CDH13: variants seen among roughly 807,000 people sequenced by gnomAD.
The protein encoded by CDH13 is cadherin 13.
A neutral mutation model predicts 63.8 loss-of-function variants in CDH13; 24 were observed. The observed-to-expected ratio is 0.38, with a 90% CI of 0.27 to 0.53. The LOEUF is 0.53. Among genes scored for constraint, CDH13 ranks in the 20% least tolerant of loss-of-function variants. The pLI is 0.85. For missense variants in CDH13, 1,049 were observed against 903.1 expected, an observed-to-expected ratio of 1.16 and a Z score of -2.07; for synonymous variants, 503 against 355.3, an observed-to-expected ratio of 1.42 and a Z score of -4.67.
At chr16:83,674,880 C>T (rs957839342) in intron 9 of CDH13, among the ~76,000 whole-genome samples, 1 of 152,198 alleles carries the variant, frequency 6.6e-6, no homozygotes, top group African/African-American at 2.4e-5. Context: ...TCTATTCTGT[C>T]CTCAAAGAAG....
At chr16:83,750,124 C>G (rs1597173584) in intron 11 of CDH13, among the ~76,000 whole-genome samples, 1 of 152,036 alleles carries the variant, frequency 6.6e-6, no homozygotes, top group Non-Finnish European at 1.5e-5. Flanking sequence ...GGTGAAACCC[C>G]ATCTCTACTA....
chr16:82,807,088 C>CT (rs11327303), intron 1 of CDH13, among the ~76,000 whole-genome samples: 3,102 of 139,178 alleles, frequency 0.022, 90 homozygotes, highest in African/African-American at 0.074. Flanking sequence ...GGGATCATGC[C>CT]TTTTTTTTTT....
At chr16:82,962,931 T>G (rs928917900) in intron 2 of CDH13, among the ~76,000 whole-genome samples, 2 of 152,224 alleles carry the variant, frequency 1.3e-5, no homozygotes, top group African/African-American at 4.8e-5. Flanking sequence ...AAATGATATA[T>G]AAGCAAAATA....
intron 6 of CDH13, among the ~76,000 whole-genome samples, chr16:83,373,724 C>T (rs2091413434): frequency 6.6e-6 from 1 of 152,204 alleles, no homozygotes; most frequent in Admixed American, 6.5e-5. Flanking sequence ...ATTTGAATCT[C>T]CGCTTTACCT....
chr16:83,766,698 C>T (rs1022725798), intron 11 of CDH13, among the ~76,000 whole-genome samples: 1 of 152,186 alleles, frequency 6.6e-6, no homozygotes, highest in Non-Finnish European at 1.5e-5. Flanking sequence ...ACATTCTGTG[C>T]CTATGAAACC....
At chr16:82,641,084 C>T (rs1909338230) in intron 1 of CDH13, among the ~76,000 whole-genome samples, 1 of 152,142 alleles carries the variant, frequency 6.6e-6, no homozygotes, top group Admixed American at 6.5e-5. Context: ...TTGAGGTGGT[C>T]ACAGTCATGG....
intron 5 of CDH13, among the ~76,000 whole-genome samples, chr16:83,333,128 T>C (rs960204302): frequency 3.3e-5 from 5 of 152,070 alleles, no homozygotes; most frequent in Non-Finnish European, 5.9e-5. Flanking sequence ...GGTGGAGGAA[T>C]GTTACAAAGG....
intron 4 of CDH13, among the ~76,000 whole-genome samples, chr16:83,216,717 T>C (rs1210432778): frequency 6.8e-6 from 1 of 147,818 alleles, no homozygotes; most frequent in East Asian, 2.0e-4. Context: ...TATTGATGCA[T>C]ATATATTTAA....
At chr16:83,059,793 GTTTTT>G (rs66521965) in intron 3 of CDH13, among the ~76,000 whole-genome samples, 2 of 113,106 alleles carry the variant, frequency 1.8e-5, no homozygotes, top group Non-Finnish European at 3.6e-5. Context: ...TTTTTTGTTT[GTTTTT>G]TTTTTTTTTT....
At chr16:83,503,096 G>T (rs1459486571) in intron 7 of CDH13, among the ~76,000 whole-genome samples, 5 of 152,218 alleles carry the variant, frequency 3.3e-5, no homozygotes, top group African/African-American at 1.2e-4. Flanking sequence ...TCTGTACCTT[G>T]TAGGTGCTCA....
intron 1 of CDH13, among the ~76,000 whole-genome samples, chr16:82,642,351 G>T (rs956033839): frequency 6.6e-6 from 1 of 152,186 alleles, no homozygotes; most frequent in Non-Finnish European, 1.5e-5. Context: ...TACAGTAGGC[G>T]TGGTTTAGTC....
At chr16:82,855,016 C>T (rs1312509636) in intron 1 of CDH13, among the ~76,000 whole-genome samples, 2 of 152,028 alleles carry the variant, frequency 1.3e-5, no homozygotes, top group Non-Finnish European at 2.9e-5. Flanking sequence ...TAATTCTTAC[C>T]TCACTAAGTC....
intron 7 of CDH13, among the ~76,000 whole-genome samples, chr16:83,499,133 A>G (rs976461749): frequency 1.8e-4 from 28 of 152,216 alleles, no homozygotes; most frequent in Admixed American, 3.9e-4. Flanking sequence ...ATGGCCAACC[A>G]GTGGGGGTTT....
intron 8 of CDH13, among the ~76,000 whole-genome samples, chr16:83,619,185 C>A (rs1289678186): frequency 6.6e-6 from 1 of 152,190 alleles, no homozygotes; most frequent in Non-Finnish European, 1.5e-5. Flanking sequence ...GTGCGCTATG[C>A]CTCCTCTTTT....
intron 1 of CDH13, among the ~76,000 whole-genome samples, chr16:82,822,381 T>A (rs2038042945): frequency 6.6e-6 from 1 of 152,326 alleles, no homozygotes; most frequent in African/African-American, 2.4e-5. Flanking sequence ...TGGAGAAAAT[T>A]GTGTGTTATA....
intron 1 of CDH13, among the ~76,000 whole-genome samples, chr16:82,731,598 G>A (rs567742827): frequency 2.0e-5 from 3 of 152,130 alleles, no homozygotes; most frequent in African/African-American, 7.2e-5. Context: ...TTTCAATCTT[G>A]CTTGTTCATT....
intron 4 of CDH13, chr16:83,171,423 T>A (rs1278369125): frequency 1.0e-6 from 1 of 998,766 alleles, no homozygotes; most frequent in African/African-American, 1.6e-5. Context: ...AACATGAGAT[T>A]TGGGTGAGGA....
At chr16:82,833,334 G>T (rs1010422157) in intron 1 of CDH13, among the ~76,000 whole-genome samples, 1 of 152,176 alleles carries the variant, frequency 6.6e-6, no homozygotes, top group South Asian at 2.1e-4. Context: ...TTTCGTGGAG[G>T]TATCCAACTT....
chr16:83,729,982 C>T (rs185544944), intron 10 of CDH13, among the ~76,000 whole-genome samples: 3 of 152,280 alleles, frequency 2.0e-5, no homozygotes, highest in Admixed American at 6.5e-5. Flanking sequence ...AAGGGGGCAG[C>T]GAGCCTGCCA....
Sources: gnomAD v4.1 joint callset for allele counts (sites outside exome capture counted in the v4.1 genomes callset) on GRCh38, gnomAD v4.1.1 for gene constraint, MANE v1.5 for transcripts, NCBI Gene and HGNC (gene_info 2026-07-23, HGNC 2026-07-21) for gene names.